The following SH3GL2 variants were observed in gnomAD, a reference collection of about 807,000 sequenced individuals.
The protein encoded by SH3GL2 is SH3 domain containing GRB2 like 2, endophilin A1.
In SH3GL2, 24 loss-of-function variants were observed where a neutral mutation model predicts 46.0. The observed-to-expected ratio is 0.52, with a 90% CI of 0.38 to 0.73. The LOEUF (loss-of-function observed/expected upper bound fraction) is 0.73. Among genes scored for constraint, SH3GL2 ranks in the 30% least tolerant of loss-of-function variants. The probability of loss-of-function intolerance (pLI) is 0.00; values close to 1 mark genes in which losing one functional copy is unlikely to be tolerated. For missense variants in SH3GL2, 413 were observed against 424.2 expected, an observed-to-expected ratio of 0.97 and a Z score of 0.23; for synonymous variants, 196 against 147.1, an observed-to-expected ratio of 1.33 and a Z score of -2.40.
intron 1 of SH3GL2, among the ~76,000 whole-genome samples, chr9:17,626,226 C>T (rs1819277806): frequency 6.6e-6 from 1 of 152,210 alleles, no homozygotes; most frequent in Non-Finnish European, 1.5e-5. Context: ...CTTTTATTGC[C>T]TCCATATGTC....
intron 1 of SH3GL2, among the ~76,000 whole-genome samples, chr9:17,666,977 G>A (rs773254763): frequency 5.9e-5 from 9 of 152,178 alleles, no homozygotes; most frequent in East Asian, 1.9e-4. Context: ...GTATTGCAGC[G>A]TAGTTGTCAT....
intron 1 of SH3GL2, among the ~76,000 whole-genome samples, chr9:17,583,826 T>C (rs967159361): frequency 1.3e-5 from 2 of 152,364 alleles, no homozygotes; most frequent in Non-Finnish European, 2.9e-5. Context: ...ATATGGATGC[T>C]TTGCTCAGGA....
At chr9:17,658,248 A>G (rs1227651103) in intron 1 of SH3GL2, among the ~76,000 whole-genome samples, 1 of 152,224 alleles carries the variant, frequency 6.6e-6, no homozygotes, top group African/African-American at 2.4e-5. Flanking sequence ...TTGTCCCCTC[A>G]GATGGGTACC....
chr9:17,710,672 G>GTA (rs1821596672), intron 1 of SH3GL2, among the ~76,000 whole-genome samples: 1 of 151,952 alleles, frequency 6.6e-6, no homozygotes, highest in Non-Finnish European at 1.5e-5. Flanking sequence ...ACAAAATGTG[G>GTA]TATATATATG....
At chr9:17,672,158 A>G (rs1275479359) in intron 1 of SH3GL2, among the ~76,000 whole-genome samples, 4 of 152,162 alleles carry the variant, frequency 2.6e-5, no homozygotes. Flanking sequence ...TAAGCTGTCG[A>G]TGTTGAATTT....
intron 1 of SH3GL2, among the ~76,000 whole-genome samples, chr9:17,686,954 A>G (rs1314802921): frequency 1.3e-5 from 2 of 151,822 alleles, no homozygotes; most frequent in East Asian, 3.9e-4. Flanking sequence ...AAAAAAAAGA[A>G]TTGTGGGAAG....
Position 17,670,408 on chromosome 9 carries a change from A to T in SH3GL2, c.46-76658A>T, listed in dbSNP as rs777756109. 2.6e-5 allele frequency among the ~76,000 whole-genome samples: 4 copies of T among 152,244 alleles called. No homozygotes were observed. The South Asian group carries it at 8.3e-4, about 31-fold the overall frequency. Reference sequence around the variant, plus strand: ...CTCAATAGTTTTTTCTACCTCCTGTATCATGATAATGGCATGTTTAGTTAT... The same window carrying T: ...CTCAATAGTTTTTTCTACCTCCTGTTTCATGATAATGGCATGTTTAGTTAT... On this transcript the variant is annotated intron_variant, in intron 1 of 8. Transcript: ENST00000380607.
At chr9:17,780,018 A>C (rs1317388337) in intron 3 of SH3GL2, among the ~76,000 whole-genome samples, 3 of 152,208 alleles carry the variant, frequency 2.0e-5, no homozygotes, top group Admixed American at 2.0e-4. Flanking sequence ...TGGGATTTTA[A>C]AAACTGCCGT....
chr9:17,759,723 C>A (rs1453893064), intron 2 of SH3GL2, among the ~76,000 whole-genome samples: 1 of 152,158 alleles, frequency 6.6e-6, no homozygotes, highest in African/African-American at 2.4e-5. Context: ...AGCCCCTTAA[C>A]AGCAGATGAC....
At position 17,602,741 on chromosome 9, in the gene SH3GL2, A is replaced by G. The variant is rs1227487558; in HGVS notation, c.45+23454A>G. 3.3e-5 allele frequency among the ~76,000 whole-genome samples: 5 copies of G among 152,216 alleles called. No individual in the cohort carries two copies. In the East Asian group the frequency reaches 7.8e-4, roughly 24 times the overall value. ...ATGGAGTGGGAATAAGGTAGGAAAC[A>G]TGCACCAAAATGAAAACATTTCTTG... On this transcript the variant is annotated intron_variant, in intron 1 of 8. Transcript: ENST00000380607.
At chr9:17,738,641 T>TATATATATATATATATATAGAG (rs376280314) in intron 1 of SH3GL2, among the ~76,000 whole-genome samples, 2 of 88,900 alleles carry the variant, frequency 2.2e-5, no homozygotes, top group African/African-American at 3.7e-5. Flanking sequence ...TATATATATA[T>TATATATATATATATATATAGAG]AGAGAGAGAG....
chr9:17,618,854 G>C (rs1019118374), intron 1 of SH3GL2, among the ~76,000 whole-genome samples: 1 of 151,794 alleles, frequency 6.6e-6, no homozygotes, highest in African/African-American at 2.4e-5. Flanking sequence ...AGAAAGGAGA[G>C]AGGAGAGCAT....
intron 3 of SH3GL2, among the ~76,000 whole-genome samples, chr9:17,774,695 T>A (rs1272072806): frequency 1.3e-5 from 2 of 152,188 alleles, no homozygotes; most frequent in Non-Finnish European, 2.9e-5. Context: ...TTTGCTTTGC[T>A]AGCATTTTGT....
intron 1 of SH3GL2, among the ~76,000 whole-genome samples, chr9:17,614,681 A>C (rs1818945944): frequency 1.3e-5 from 2 of 152,152 alleles, no homozygotes; most frequent in South Asian, 4.1e-4. Flanking sequence ...TATTACCATC[A>C]CTGCTTCACG....
intron 1 of SH3GL2, among the ~76,000 whole-genome samples, chr9:17,627,335 T>C (rs1819306328): frequency 6.6e-6 from 1 of 152,090 alleles, no homozygotes; most frequent in African/African-American, 2.4e-5. Flanking sequence ...GCTTGATCGT[T>C]GGGGAATAAT....
intron 3 of SH3GL2, among the ~76,000 whole-genome samples, chr9:17,765,584 A>G (rs2131157149): frequency 6.6e-6 from 1 of 152,228 alleles, no homozygotes. Context: ...ATTAACTTTC[A>G]TTTTTAACAT....
At chr9:17,763,463 C>T (rs191337894) in intron 3 of SH3GL2, among the ~76,000 whole-genome samples, 1 of 152,190 alleles carries the variant, frequency 6.6e-6, no homozygotes, top group African/African-American at 2.4e-5. Flanking sequence ...CACAGAGAAA[C>T]ACAGGAAAGA....
At chr9:17,585,361 G>C (rs971843531) in intron 1 of SH3GL2, among the ~76,000 whole-genome samples, 2 of 152,268 alleles carry the variant, frequency 1.3e-5, no homozygotes, top group Admixed American at 1.3e-4. Flanking sequence ...ATGCTAAGTA[G>C]GTAAGAAGTC....
At chr9:17,767,916 C>G (rs1402752438) in intron 3 of SH3GL2, among the ~76,000 whole-genome samples, 2 of 152,114 alleles carry the variant, frequency 1.3e-5, no homozygotes, top group Non-Finnish European at 2.9e-5. Flanking sequence ...TGGAGGGTTT[C>G]TACTTCTACA....
Sources: gnomAD v4.1 joint callset for allele counts (sites outside exome capture counted in the v4.1 genomes callset) on GRCh38, gnomAD v4.1.1 for gene constraint, MANE v1.5 for transcripts, NCBI Gene and HGNC (gene_info 2026-07-23, HGNC 2026-07-21) for gene names.